KDM5B: variants seen among roughly 807,000 people sequenced by gnomAD.
KDM5B encodes the protein lysine demethylase 5B.
A neutral mutation model predicts 193.4 loss-of-function variants in KDM5B; 144 were observed. The ratio of observed to expected loss-of-function variants is 0.74; its 90% confidence interval spans 0.65 to 0.86. KDM5B has a LOEUF of 0.86. Ranked by LOEUF, KDM5B falls within the 40% of genes least tolerant of loss-of-function variation. The pLI is 0.00. For missense variants in KDM5B, 1,833 were observed against 1,886.9 expected, an observed-to-expected ratio of 0.97 and a Z score of 0.53; for synonymous variants, 668 against 682.6, an observed-to-expected ratio of 0.98 and a Z score of 0.33.
At chr1:202,748,761 T>C (rs776870436) in intron 14 of KDM5B, among the ~76,000 whole-genome samples, 184 bp downstream of exon 14, 2 of 152,074 alleles carry the variant, frequency 1.3e-5, no homozygotes. Context: ...AAGAGACATA[T>C]GTACATGTGG....
Position 202,740,683 on chromosome 1 carries a change from C to G in KDM5B, c.3075G>C (p.Glu1025Asp). Residue 1025 changes from glutamate to aspartate, a missense_variant, in exon 20 of 27, where the codon GAG (glutamate) becomes GAC (aspartate). By Grantham distance (45) the Glu-to-Asp change is conservative. Around this residue, in one of 3 missense-constraint regions of KDM5B, gnomAD observed 1,379 missense variants for 1,349.6 expected, o/e 1.02. Coordinates refer to ENST00000367265, the MANE Select transcript of KDM5B (RefSeq NM_006618.5). ...ACTTTTTAAAACCAACCTGCAGGCC[C>G]TCTACATCCTGAAGCCAGTCTCTGG... Reference protein sequence around the residue: ...QRARDWLQDVEGLQAGGRVPV... With the variant: ...QRARDWLQDVDGLQAGGRVPV... The G allele has an allele frequency of 1.9e-6, 3 of 1,611,924 alleles. No individual in the cohort carries two copies. Among genetic ancestry groups the G allele is most frequent in the Non-Finnish European group, 2.5e-6 (3 of 1,179,420 alleles).
At position 202,760,382 on chromosome 1, in the gene KDM5B, T is replaced by G. The variant is rs749274355; in HGVS notation, c.1077+33A>C. The stretch of plus-strand genomic sequence containing the variant: ...GCAAAGAAAAATGCCCTAAAAAAAT[T>G]TTTCTAGTGTTACCTCTACTATTAA... On this transcript the variant is annotated intron_variant, in intron 8 of 26. Coordinates refer to ENST00000367265, the MANE Select transcript of KDM5B (RefSeq NM_006618.5). 3 of 1,502,848 alleles carry G rather than the reference T, an allele frequency of 2.0e-6. No homozygotes were observed. The South Asian group carries it at 4.1e-5, about 20-fold the overall frequency. The allele number at this position is 1,502,848 out of a possible 1,614,324, so 93.1% of individuals were successfully genotyped here.
At chr1:202,807,676 G>A (rs961505836) in intron 1 of KDM5B, among the ~76,000 whole-genome samples, 1 of 11,684 alleles carries the variant, frequency 8.6e-5, no homozygotes, top group East Asian at 4.6e-3. Context: ...ACACACCCCC[G>A]CACCCCGGGA....
In KDM5B at chr1:202,729,816, G is replaced by C. The variant is rs1241758305; in HGVS notation, c.4388C>G (p.Ala1463Gly). 1 of 1,614,138 alleles carries C rather than the reference G, an allele frequency of 6.2e-7. No individual in the cohort carries two copies. Among genetic ancestry groups the C allele is most frequent in the Non-Finnish European group, 8.5e-7 (1 of 1,179,976 alleles). Residue 1463 changes from alanine (A) to glycine (G), a missense_variant, in exon 26 of 27, where the codon GCT becomes GGT. By Grantham distance (60) the Ala-to-Gly change is moderately conservative. Around this residue, in one of 3 missense-constraint regions of KDM5B, gnomAD observed 1,379 missense variants for 1,349.6 expected, o/e 1.02. Coordinates refer to ENST00000367265, the MANE Select transcript of KDM5B (RefSeq NM_006618.5). Reference sequence around the variant, plus strand: ...GTCTGAGGGCAGGGAATGAGTTTCAGCAGAACGAACTAATTCATAGCTACG... The same window carrying C: ...GTCTGAGGGCAGGGAATGAGTTTCACCAGAACGAACTAATTCATAGCTACG... Reference protein sequence around the residue: ...RERSYELVRSAETHSLPSDTS... With the variant: ...RERSYELVRSGETHSLPSDTS...
At chr1:202,785,483 A>ACT (rs34857560) in intron 1 of KDM5B, among the ~76,000 whole-genome samples, 93,322 of 151,974 alleles carry the variant, frequency 0.61, 31,550 homozygotes, top group Middle Eastern at 0.77. Flanking sequence ...TCCTGGTACT[A>ACT]CTGTGCGGCT....
chr1:202,795,469 T>C (rs1038259177), intron 1 of KDM5B, among the ~76,000 whole-genome samples: 3 of 151,974 alleles, frequency 2.0e-5, no homozygotes, highest in African/African-American at 4.8e-5. Flanking sequence ...CTGGCTAACA[T>C]AGTGAAACCC....
At chr1:202,754,904 C>T (rs895197160) in intron 11 of KDM5B, among the ~76,000 whole-genome samples, 5 of 152,170 alleles carry the variant, frequency 3.3e-5, no homozygotes, top group African/African-American at 9.7e-5. Context: ...AGGCTGGTCT[C>T]GAACTCCTGA....
chr1:202,775,827 G>A (rs1656919061), intron 2 of KDM5B, among the ~76,000 whole-genome samples: 1 of 109,792 alleles, frequency 9.1e-6, no homozygotes, highest in Non-Finnish European at 1.7e-5. Flanking sequence ...CTGCACTCCA[G>A]CCTTGGTGAC....
chr1:202,758,286 G>T, intron 9 of KDM5B, 105 bp downstream of exon 9: 2 of 809,118 alleles, frequency 2.5e-6, no homozygotes, highest in South Asian at 3.2e-5. Flanking sequence ...CTTTCTGTGT[G>T]ACAATGCCTA....
At chr1:202,773,429 A>G in intron 3 of KDM5B, 141 bp from the exon 4 acceptor site, 1 of 629,630 alleles carries the variant, frequency 1.6e-6, no homozygotes, top group Non-Finnish European at 2.8e-6. Flanking sequence ...ATACACACAC[A>G]CACATATATA....
At chr1:202,774,790 T>C (rs1364405039) in intron 2 of KDM5B, 55 bp from the exon 3 acceptor site, 29 of 1,512,534 alleles carry the variant, frequency 1.9e-5, no homozygotes, top group Middle Eastern at 1.7e-4. Context: ...AAAGCTCCTA[T>C]TACCTGCCAT....
At chr1:202,804,450 G>A (rs994376846) in intron 1 of KDM5B, among the ~76,000 whole-genome samples, 27 of 152,220 alleles carry the variant, frequency 1.8e-4, no homozygotes, top group African/African-American at 5.5e-4. Context: ...AGAATGATAC[G>A]CTGGAAAGGG....
chr1:202,761,210 G>A lies in KDM5B; in HGVS notation c.919-637C>T, dbSNP rs1036812701. Among the ~76,000 whole-genome samples the A allele has an allele frequency of 3.9e-5, 6 of 152,058 alleles. No homozygotes were observed. The East Asian group carries it at 5.8e-4, about 15-fold the overall frequency. Reference sequence around the variant, plus strand: ...AATCCCAACACTTTTGGGGGCCCTGGCAGGACTGCTTGAAGCCAGGAGTTT... The same window carrying A: ...AATCCCAACACTTTTGGGGGCCCTGACAGGACTGCTTGAAGCCAGGAGTTT... On this transcript the variant is annotated intron_variant, in intron 7 of 26. Transcript: ENST00000367265.
intron 1 of KDM5B, chr1:202,807,146 C>G (rs1658328707): frequency 6.6e-6 from 1 of 152,362 alleles, no homozygotes; most frequent in Non-Finnish European, 1.5e-5. Flanking sequence ...GTGCCCGGAG[C>G]CTGAGGGCCG....
At chr1:202,776,738 C>T (rs7527702) in intron 2 of KDM5B, among the ~76,000 whole-genome samples, 117,719 of 151,838 alleles carry the variant, frequency 0.78, 46,819 homozygotes, top group Admixed American at 0.86. Flanking sequence ...ATTTTTTAAA[C>T]TATGTTTTAG....
chr1:202,790,515 T>G (rs1024976930), intron 1 of KDM5B, among the ~76,000 whole-genome samples: 7 of 151,858 alleles, frequency 4.6e-5, no homozygotes, highest in African/African-American at 1.5e-4. Flanking sequence ...AGGTCTGGAG[T>G]TCGAGACCAG....
intron 22 of KDM5B, 61 bp from the exon 23 acceptor site, chr1:202,733,947 C>A: frequency 6.5e-7 from 1 of 1,546,014 alleles, no homozygotes; most frequent in Non-Finnish European, 8.7e-7. Flanking sequence ...CCCTAAAACT[C>A]AGAGTCCTAG....
At chr1:202,755,227 T>C (rs1402416350) in intron 11 of KDM5B, 44 bp downstream of exon 11, 6 of 1,499,146 alleles carry the variant, frequency 4.0e-6, no homozygotes, top group African/African-American at 1.4e-5. Context: ...AGTTTTCCTA[T>C]CCAGCATGCA....
At chr1:202,776,644 C>T (rs750837398) in intron 2 of KDM5B, among the ~76,000 whole-genome samples, 4 of 152,142 alleles carry the variant, frequency 2.6e-5, no homozygotes, top group Non-Finnish European at 5.9e-5. Flanking sequence ...TCACTACAGT[C>T]TTGACCTCCC....
Sources: allele counts gnomAD v4.1 joint callset (sites outside exome capture counted in the v4.1 genomes callset), GRCh38; gene constraint gnomAD v4.1.1; regional missense constraint gnomAD v4.1.1; transcripts MANE v1.5; gene names NCBI Gene and HGNC (gene_info 2026-07-23, HGNC 2026-07-21).